LRRC4C: variants seen among roughly 807,000 people sequenced by gnomAD.
LRRC4C encodes the protein leucine rich repeat containing 4C, also known as leucine-rich repeat-containing protein 4C.
Under a neutral mutation model 33.6 loss-of-function variants are expected in LRRC4C, and 5 were observed. That is an observed-to-expected ratio of 0.15 (90% CI 0.08 to 0.31). LRRC4C has a LOEUF of 0.31. LRRC4C is among the 10% of genes least tolerant of loss of function. LRRC4C has a pLI of 1.00. For missense variants in LRRC4C, 560 were observed against 796.7 expected, an observed-to-expected ratio of 0.70 and a Z score of 3.58; for synonymous variants, 329 against 302.0, an observed-to-expected ratio of 1.09 and a Z score of -0.93.
chr11:40,187,997 G>C (rs997236722), intron 5 of LRRC4C, among the ~76,000 whole-genome samples: 8 of 152,042 alleles, frequency 5.3e-5, no homozygotes, highest in Non-Finnish European at 1.0e-4. Context: ...ATTAATTTAA[G>C]GGAATTATGT....
At chr11:40,522,998 T>C (rs535175141) in intron 3 of LRRC4C, among the ~76,000 whole-genome samples, 3 of 152,320 alleles carry the variant, frequency 2.0e-5, no homozygotes, top group African/African-American at 4.8e-5. Flanking sequence ...GTGAATGCTA[T>C]GAACATGAGG....
chr11:41,024,564 T>C (rs544867407), intron 1 of LRRC4C, among the ~76,000 whole-genome samples: 1 of 151,842 alleles, frequency 6.6e-6, no homozygotes, highest in East Asian at 1.9e-4. Context: ...AAGAATCACA[T>C]AGCAGTAAGT....
At chr11:40,696,294 A>G (rs1945514821) in intron 2 of LRRC4C, among the ~76,000 whole-genome samples, 1 of 128,710 alleles carries the variant, frequency 7.8e-6, no homozygotes, top group Admixed American at 7.2e-5. Flanking sequence ...ATATATATAT[A>G]TATATGGTAT....
intron 3 of LRRC4C, among the ~76,000 whole-genome samples, chr11:40,349,310 T>G (rs1947277026): frequency 6.6e-6 from 1 of 152,134 alleles, no homozygotes; most frequent in Non-Finnish European, 1.5e-5. Context: ...TGGGTGAGAA[T>G]ATGCAAAAGT....
intron 1 of LRRC4C, among the ~76,000 whole-genome samples, chr11:41,403,319 G>A (rs1445765491): frequency 2.0e-5 from 3 of 152,042 alleles, no homozygotes; most frequent in Admixed American, 2.0e-4. Flanking sequence ...GTCTGAACTT[G>A]TAACAAAAGC....
chr11:41,364,341 C>T (rs112554858), intron 1 of LRRC4C, among the ~76,000 whole-genome samples: 42 of 152,184 alleles, frequency 2.8e-4, no homozygotes, highest in South Asian at 2.3e-3. Flanking sequence ...TGCAATGGTG[C>T]GATCTAGGCT....
chr11:40,139,661 A>G (rs1040016066), intron 6 of LRRC4C, among the ~76,000 whole-genome samples: 24 of 152,312 alleles, frequency 1.6e-4, no homozygotes, highest in Non-Finnish European at 2.6e-4. Context: ...CATATTTTCA[A>G]TTAAACCCAA....
At chr11:40,570,394 T>A (rs939033934) in intron 3 of LRRC4C, among the ~76,000 whole-genome samples, 3 of 152,088 alleles carry the variant, frequency 2.0e-5, no homozygotes, top group African/African-American at 7.2e-5. Flanking sequence ...TAGAAAACTG[T>A]CATTGTGCTG....
At chr11:40,703,138 T>A (rs918710488) in intron 2 of LRRC4C, among the ~76,000 whole-genome samples, 4 of 152,026 alleles carry the variant, frequency 2.6e-5, no homozygotes, top group African/African-American at 9.7e-5. Flanking sequence ...TTTTGGTTGT[T>A]GTATAAGGGG....
chr11:40,813,421 T>C (rs1398493796), intron 2 of LRRC4C, among the ~76,000 whole-genome samples: 1 of 152,130 alleles, frequency 6.6e-6, no homozygotes, highest in African/African-American at 2.4e-5. Context: ...GTAAGGCTTA[T>C]TAATTATTAC....
chr11:40,508,149 T>TA (rs781351944), intron 3 of LRRC4C, among the ~76,000 whole-genome samples: 1 of 152,126 alleles, frequency 6.6e-6, no homozygotes, highest in East Asian at 1.9e-4. Context: ...AATATAATTA[T>TA]AAGTATAGAA....
At chr11:40,156,826 A>T (rs1036790271) in intron 5 of LRRC4C, among the ~76,000 whole-genome samples, 1 of 152,236 alleles carries the variant, frequency 6.6e-6, no homozygotes, top group Non-Finnish European at 1.5e-5. Flanking sequence ...ATATTGTGAA[A>T]ATGAGTATAC....
At chr11:40,926,753 T>A (rs1957420656) in intron 2 of LRRC4C, among the ~76,000 whole-genome samples, 1 of 152,100 alleles carries the variant, frequency 6.6e-6, no homozygotes, top group Admixed American at 6.5e-5. Flanking sequence ...GATAGAAGTC[T>A]ACACAGAAAT....
intron 2 of LRRC4C, among the ~76,000 whole-genome samples, chr11:40,808,872 C>T (rs907992004): frequency 1.3e-5 from 2 of 152,050 alleles, no homozygotes; most frequent in Non-Finnish European, 2.9e-5. Context: ...CATCTGAGCC[C>T]TATTCTACCT....
chr11:40,665,342 A>G (rs1235051226), intron 2 of LRRC4C, among the ~76,000 whole-genome samples: 7 of 17,022 alleles, frequency 4.1e-4, no homozygotes, highest in Non-Finnish European at 8.2e-4. Flanking sequence ...ATATATATAT[A>G]TATATATATA....
chr11:40,568,198 G>A (rs1312049374), intron 3 of LRRC4C, among the ~76,000 whole-genome samples: 1 of 152,154 alleles, frequency 6.6e-6, no homozygotes, highest in Non-Finnish European at 1.5e-5. Flanking sequence ...TCAGATCTCT[G>A]ACTCTGGGGG....
intron 1 of LRRC4C, among the ~76,000 whole-genome samples, chr11:41,164,143 A>G (rs1422525464): frequency 6.8e-6 from 1 of 147,838 alleles, no homozygotes; most frequent in Admixed American, 6.7e-5. Flanking sequence ...TACAAAGAAT[A>G]TTTTATTTAA....
chr11:41,095,225 C>T (rs114211334), intron 1 of LRRC4C, among the ~76,000 whole-genome samples: 1,547 of 152,128 alleles, frequency 0.01, 26 homozygotes, highest in African/African-American at 0.036. Flanking sequence ...CGAGCAAGTG[C>T]CTCACTTTTA....
At chr11:41,123,417 C>G (rs1470228579) in intron 1 of LRRC4C, among the ~76,000 whole-genome samples, 1 of 148,714 alleles carries the variant, frequency 6.7e-6, no homozygotes, top group Admixed American at 6.7e-5. Flanking sequence ...GGACTACAGG[C>G]GCCCGCCACT....
Sources: allele counts gnomAD v4.1 joint callset (sites outside exome capture counted in the v4.1 genomes callset), GRCh38; gene constraint gnomAD v4.1.1; transcripts MANE v1.5; gene names NCBI Gene and HGNC (gene_info 2026-07-23, HGNC 2026-07-21).